SYN2: variants seen among roughly 807,000 people sequenced by gnomAD.
SYN2 encodes the protein synapsin II, also known as synapsin-2.
A neutral mutation model predicts 50.9 loss-of-function variants in SYN2; 19 were observed. That is an observed-to-expected ratio of 0.37 (90% CI 0.26 to 0.55). The LOEUF is 0.55. Ranked by LOEUF, SYN2 falls within the 20% of genes least tolerant of loss-of-function variation. The pLI, the probability that SYN2 is intolerant of heterozygous loss-of-function variation, is 0.81. For synonymous variants in SYN2, 255 were observed against 224.9 expected (o/e 1.13, Z -1.20); for missense variants, 587 against 576.4 (o/e 1.02, Z -0.19).
chr3:12,101,369 T>G (rs1402415512), intron 1 of SYN2, among the ~76,000 whole-genome samples: 1 of 152,148 alleles, frequency 6.6e-6, no homozygotes, highest in Non-Finnish European at 1.5e-5. Flanking sequence ...TTATGCTAAG[T>G]GAGAGAACCC....
chr3:12,085,919 A>G (rs975864987), intron 1 of SYN2, among the ~76,000 whole-genome samples: 27 of 152,152 alleles, frequency 1.8e-4, no homozygotes, highest in African/African-American at 6.5e-4. Flanking sequence ...TAGATAAAAT[A>G]GAGACTGGAA....
intron 5 of SYN2, among the ~76,000 whole-genome samples, chr3:12,151,673 A>T (rs981868093): frequency 6.6e-6 from 1 of 152,238 alleles, no homozygotes; most frequent in African/African-American, 2.4e-5. Context: ...GCAGTTTCCA[A>T]TAAGACGGTC....
chr3:12,068,001 G>A (rs891069347), intron 1 of SYN2, among the ~76,000 whole-genome samples: 2 of 152,216 alleles, frequency 1.3e-5, no homozygotes, highest in African/African-American at 4.8e-5. Flanking sequence ...CAAAGATGCA[G>A]TGAGCTGTGA....
intron 7 of SYN2, among the ~76,000 whole-genome samples, chr3:12,166,020 C>G (rs1275670748): frequency 6.6e-6 from 1 of 152,164 alleles, no homozygotes; most frequent in African/African-American, 2.4e-5. Flanking sequence ...TCAGCCTGCT[C>G]ACAACAGGGG....
chr3:12,130,476 C>A (rs994433312), intron 1 of SYN2, among the ~76,000 whole-genome samples: 6 of 152,132 alleles, frequency 3.9e-5, no homozygotes. Context: ...GCAAATTCTC[C>A]TGTACTCCAC....
intron 1 of SYN2, among the ~76,000 whole-genome samples, chr3:12,112,033 C>T (rs1165009492): frequency 6.6e-6 from 1 of 152,048 alleles, no homozygotes; most frequent in Non-Finnish European, 1.5e-5. Context: ...AGGTGAGACC[C>T]CTGGGTGAAT....
At chr3:12,185,115 A>C in intron 11 of SYN2, 1 of 985,814 alleles carries the variant, frequency 1.0e-6, no homozygotes, top group South Asian at 4.7e-5. Flanking sequence ...CTCAGCTGAT[A>C]ATGGTAGTTG....
chr3:12,019,991 T>G (rs201162713), intron 1 of SYN2, among the ~76,000 whole-genome samples: 1 of 152,204 alleles, frequency 6.6e-6, no homozygotes, highest in East Asian at 1.9e-4. Context: ...AAAAAATTGC[T>G]TAAGATGGCA....
In SYN2 at chr3:12,145,870, A is replaced by G. The variant is rs374483536; in HGVS notation, c.684+35A>G. 5.8e-5 allele frequency: 94 copies of G among 1,611,788 alleles called. No individual in the cohort carries two copies. In the East Asian group the frequency reaches 1.0e-3, roughly 17 times the overall value. On this transcript the variant is annotated intron_variant, in intron 4 of 12. Coordinates refer to ENST00000621198, the MANE Select transcript of SYN2 (RefSeq NM_133625.6). ...GCCCCCTTCCCCCAAGTAAAAGGGT[A>G]GGATTCAGGCCCTACATCTCCCAGG...
intron 5 of SYN2, chr3:12,158,953 A>G: frequency 7.2e-7 from 1 of 1,384,462 alleles, no homozygotes; most frequent in Non-Finnish European, 9.4e-7. Flanking sequence ...AGGTGGCCCT[A>G]AGGGCCAATC....
intron 1 of SYN2, among the ~76,000 whole-genome samples, chr3:12,033,300 C>T (rs1694419992): frequency 6.6e-6 from 1 of 152,174 alleles, no homozygotes; most frequent in South Asian, 2.1e-4. Context: ...GATGGAAATG[C>T]AGAAATCACC....
In SYN2 at chr3:12,056,795, A is replaced by G. The variant is rs560529090; in HGVS notation, c.377+51867A>G. ...AAATAGAAGTGTGGGTGGTATACCA[A>G]TGTCTCTCTAAACCTAGTGTCTATA... On this transcript the variant is annotated intron_variant, in intron 1 of 12. Coordinates refer to ENST00000621198, the MANE Select transcript of SYN2 (RefSeq NM_133625.6). Among the ~76,000 whole-genome samples the G allele has an allele frequency of 2.0e-3, 309 of 152,256 alleles. 1 individual carries two copies. Among genetic ancestry groups the G allele is most frequent in the African/African-American group, 6.9e-3 (287 of 41,522 alleles).
intron 1 of SYN2, among the ~76,000 whole-genome samples, chr3:12,023,737 C>G (rs898678412): frequency 6.6e-6 from 1 of 152,146 alleles, no homozygotes; most frequent in Non-Finnish European, 1.5e-5. Flanking sequence ...GAAGGTTTAT[C>G]TGAAGACAGT....
chr3:12,014,769 C>G (rs1252017512), intron 1 of SYN2, among the ~76,000 whole-genome samples: 2 of 152,124 alleles, frequency 1.3e-5, no homozygotes, highest in Non-Finnish European at 1.5e-5. Flanking sequence ...GTTTTGTGTG[C>G]CTTCTTCCAC....
At chr3:12,042,591 G>T (rs1280016547) in intron 1 of SYN2, among the ~76,000 whole-genome samples, 1 of 152,174 alleles carries the variant, frequency 6.6e-6, no homozygotes, top group African/African-American at 2.4e-5. Context: ...AAGAAGGAGG[G>T]TGTAGTGGGT....
intron 1 of SYN2, among the ~76,000 whole-genome samples, chr3:12,107,080 G>T (rs1696208429): frequency 6.6e-6 from 1 of 151,992 alleles, no homozygotes; most frequent in African/African-American, 2.4e-5. Context: ...ACATTCCAGT[G>T]TCCTGTGCTG....
intron 12 of SYN2, among the ~76,000 whole-genome samples, chr3:12,188,382 G>A (rs894066000): frequency 2.0e-5 from 3 of 152,230 alleles, no homozygotes; most frequent in South Asian, 2.1e-4. Flanking sequence ...CTGATTGCTT[G>A]TGCAGTGTCC....
intron 1 of SYN2, among the ~76,000 whole-genome samples, chr3:12,105,770 A>G (rs1371038696): frequency 1.3e-5 from 2 of 151,972 alleles, no homozygotes; most frequent in African/African-American, 4.8e-5. Flanking sequence ...AGGAGAACAC[A>G]TAGACTCTGT....
intron 1 of SYN2, among the ~76,000 whole-genome samples, chr3:12,099,838 G>A (rs190602821): frequency 0.015 from 2,264 of 151,166 alleles, 52 homozygotes; most frequent in African/African-American, 0.052. Flanking sequence ...AGTGGCGGGC[G>A]CCTGTAGTCC....
Sources: allele counts gnomAD v4.1 joint callset (sites outside exome capture counted in the v4.1 genomes callset), GRCh38; gene constraint gnomAD v4.1.1; transcripts MANE v1.5; gene names NCBI Gene and HGNC (gene_info 2026-07-23, HGNC 2026-07-21).